Variants in TMEM248 observed in about 807,000 individuals in gnomAD.
TMEM248 encodes the protein UPF0458 protein C7orf42.
TMEM248 carries 9 observed loss-of-function variants against 30.3 expected under a neutral mutation model. That is an observed-to-expected ratio of 0.30 (90% confidence interval 0.18 to 0.52). The LOEUF (loss-of-function observed/expected upper bound fraction) is 0.52. TMEM248 is among the 20% of genes least tolerant of loss of function. The probability of loss-of-function intolerance (pLI) is 0.97; values close to 1 mark genes in which losing one functional copy is unlikely to be tolerated. For missense variants in TMEM248, 338 were observed against 403.3 expected (o/e 0.84, Z 1.39); for synonymous variants, 184 against 154.4 (o/e 1.19, Z -1.42).
intron 3 of TMEM248, among the ~76,000 whole-genome samples, chr7:66,945,527 A>C (rs557463460): frequency 6.6e-6 from 1 of 152,338 alleles, no homozygotes; most frequent in African/African-American, 2.4e-5. Context: ...CAAACATGTA[A>C]TTTTAATTCA....
chr7:66,947,549 C>T (rs900951701), intron 3 of TMEM248, among the ~76,000 whole-genome samples: 12 of 151,948 alleles, frequency 7.9e-5, no homozygotes, highest in Non-Finnish European at 1.3e-4. Context: ...ATTATAGGTT[C>T]GTGACACCAT....
chr7:66,933,083 C>G (rs1371696110), intron 1 of TMEM248, among the ~76,000 whole-genome samples: 1 of 152,168 alleles, frequency 6.6e-6, no homozygotes, highest in Admixed American at 6.6e-5. Flanking sequence ...TGGTCTCGAA[C>G]TCCTGACCTC....
chr7:66,929,403 A>G (rs1035053177), intron 1 of TMEM248, among the ~76,000 whole-genome samples: 1 of 149,962 alleles, frequency 6.7e-6, no homozygotes, highest in African/African-American at 2.4e-5. Context: ...ATGCAGAAAC[A>G]ATATCATGGA....
chr7:66,939,061 T>C (rs1480687771), intron 1 of TMEM248, among the ~76,000 whole-genome samples: 2 of 152,210 alleles, frequency 1.3e-5, no homozygotes, highest in Admixed American at 6.6e-5. Context: ...GGAGATACCA[T>C]TTAAAATAAT....
intron 5 of TMEM248, among the ~76,000 whole-genome samples, chr7:66,951,922 A>G (rs1252046781): frequency 6.6e-6 from 1 of 151,914 alleles, no homozygotes; most frequent in Non-Finnish European, 1.5e-5. Context: ...TTGGCCTCCA[A>G]AGTTTCTGGG....
intron 1 of TMEM248, among the ~76,000 whole-genome samples, chr7:66,929,938 T>A (rs1239012186): frequency 2.6e-5 from 4 of 151,950 alleles, no homozygotes; most frequent in African/African-American, 7.3e-5. Flanking sequence ...CGCGGGAGGA[T>A]CGCTTGAGCC....
In TMEM248 at chr7:66,921,389, A is replaced by C. The variant is rs1012483139; in HGVS notation, c.-91A>C. The C allele has an allele frequency of 2.0e-5, 3 of 149,574 alleles. No homozygotes were observed. Among genetic ancestry groups the C allele is most frequent in the Non-Finnish European group, 4.5e-5 (3 of 67,306 alleles). The allele number at this position is 149,574 out of a possible 1,614,324, so 9.3% of individuals were successfully genotyped here. A position where few individuals can be genotyped will look rare whatever the true frequency, so the allele number is the denominator to read the frequency against. ...GCCACGCGCCGCCACGAGTGAGCCC[A>C]GCGCGACCGCGGGCGTCCGCCGAGC... On this transcript the variant is annotated 5_prime_UTR_variant, in exon 1 of 7. Coordinates refer to ENST00000341567, the MANE Select transcript of TMEM248 (RefSeq NM_017994.5).
intron 1 of TMEM248, 65 bp from the exon 2 acceptor site, chr7:66,941,783 A>G (rs1791966299): frequency 1.4e-6 from 2 of 1,456,396 alleles, no homozygotes; most frequent in African/African-American, 2.8e-5. Flanking sequence ...TCAAAAGGAA[A>G]CAAAAGAATC....
chr7:66,941,539 A>G (rs1791954045), intron 1 of TMEM248, among the ~76,000 whole-genome samples: 1 of 149,950 alleles, frequency 6.7e-6, no homozygotes, highest in Admixed American at 6.7e-5. Context: ...TGGGTGACAG[A>G]ACGAGAGACC....
At chr7:66,938,320 T>C (rs540940090) in intron 1 of TMEM248, among the ~76,000 whole-genome samples, 1 of 152,190 alleles carries the variant, frequency 6.6e-6, no homozygotes, top group Non-Finnish European at 1.5e-5. Flanking sequence ...TTATTTTTTA[T>C]GTATCTGTTA....
rs112747703 is a variant in TMEM248 at position 66,935,743 on chromosome 7, C to T, written c.-18-6105C>T. 1.3e-3 allele frequency among the ~76,000 whole-genome samples: 194 copies of T among 152,062 alleles called. 1 individual carries two copies. Among genetic ancestry groups the T allele is most frequent in the African/African-American group, 4.4e-3 (184 of 41,468 alleles). On this transcript the variant is annotated intron_variant, in intron 1 of 6. Coordinates refer to ENST00000341567, the MANE Select transcript of TMEM248 (RefSeq NM_017994.5). Reference sequence around the variant, plus strand: ...TTTTTTAGTAGAGATGGAGTTTCACCGTGTTGGCCAGGCTGGTCTCGAACT... The same window carrying T: ...TTTTTTAGTAGAGATGGAGTTTCACTGTGTTGGCCAGGCTGGTCTCGAACT...
At chr7:66,932,865 G>T (rs556836763) in intron 1 of TMEM248, among the ~76,000 whole-genome samples, 2 of 147,594 alleles carry the variant, frequency 1.4e-5, no homozygotes, top group Admixed American at 6.9e-5. Context: ...GATCCTGTGG[G>T]TGTTTTGTTT....
intron 4 of TMEM248, among the ~76,000 whole-genome samples, chr7:66,949,022 C>T (rs1045606444): frequency 5.3e-5 from 8 of 151,984 alleles, no homozygotes; most frequent in African/African-American, 1.7e-4. Context: ...TCACTGTGGC[C>T]GGGTGCCGTG....
intron 1 of TMEM248, among the ~76,000 whole-genome samples, chr7:66,925,932 C>T (rs1181574060): frequency 1.3e-5 from 2 of 152,114 alleles, no homozygotes; most frequent in African/African-American, 2.4e-5. Flanking sequence ...TGAGCCACCA[C>T]GCCCGGCCTA....
rs553734722 is a variant in TMEM248 at position 66,924,945 on chromosome 7, G to A, written c.-19+3484G>A. Among the ~76,000 whole-genome samples, 5 of 151,808 alleles carry A rather than the reference G, an allele frequency of 3.3e-5. No individual in the cohort carries two copies. The East Asian group carries it at 7.8e-4, about 24-fold the overall frequency. ...AGGCTGGTTTTGAACTCCTGACCTC[G>A]TGATCCGCCCGCCTTGGCCTCTCAA... On this transcript the variant is annotated intron_variant, in intron 1 of 6. Coordinates refer to ENST00000341567, the MANE Select transcript of TMEM248 (RefSeq NM_017994.5).
At chr7:66,938,561 T>C (rs1791863463) in intron 1 of TMEM248, among the ~76,000 whole-genome samples, 2 of 152,252 alleles carry the variant, frequency 1.3e-5, no homozygotes, top group Non-Finnish European at 2.9e-5. Context: ...GAAGCTGAAG[T>C]GCAGTGGTGT....
chr7:66,948,836 G>A, intron 4 of TMEM248, 142 bp downstream of exon 4: 1 of 898,040 alleles, frequency 1.1e-6, no homozygotes, highest in Non-Finnish European at 1.6e-6. Context: ...CCTATCTAAA[G>A]GATTATTTAA....
rs1304818182 is a variant in TMEM248, at chr7:66,957,028, C to A, written c.*1506C>A. On this transcript the variant is annotated 3_prime_UTR_variant, in exon 7 of 7. Transcript: ENST00000341567. ...GTCCCTGTTTCTTTTTCTTTCTAATCCTTATTCATTTAAGCAAAACCATAC... is the reference window on the plus strand; with the variant it reads ...GTCCCTGTTTCTTTTTCTTTCTAATACTTATTCATTTAAGCAAAACCATAC... 6.6e-6 allele frequency: 1 copy of A among 152,616 alleles called. No homozygotes were observed. The highest frequency in any genetic ancestry group is 1.9e-4 in the East Asian group (1 of 5,202). 9.5% of individuals were successfully genotyped at this position (152,616 alleles called of 1,614,324 possible). A position where few individuals can be genotyped will look rare whatever the true frequency, so the allele number is the denominator to read the frequency against.
intron 2 of TMEM248, among the ~76,000 whole-genome samples, chr7:66,942,984 C>T (rs1286837138): frequency 1.3e-5 from 2 of 150,666 alleles, no homozygotes; most frequent in African/African-American, 4.9e-5. Context: ...TTCTCTCATG[C>T]TCTAGGGCAT....
Sources: gnomAD v4.1 joint callset for allele counts (sites outside exome capture counted in the v4.1 genomes callset) on GRCh38, gnomAD v4.1.1 for gene constraint, MANE v1.5 for transcripts, NCBI Gene and HGNC (gene_info 2026-07-23, HGNC 2026-07-21) for gene names.